Variants in KAZN observed in about 807,000 individuals in gnomAD.
The protein encoded by KAZN is kazrin.
A neutral mutation model predicts 87.4 loss-of-function variants in KAZN; 40 were observed. That is an observed-to-expected ratio of 0.46 (90% CI 0.36 to 0.60). KAZN has a LOEUF of 0.60. Among genes scored for constraint, KAZN ranks in the 20% least tolerant of loss-of-function variants. KAZN has a pLI of 0.00. For missense variants in KAZN, 898 were observed against 1,073.9 expected, an observed-to-expected ratio of 0.84 and a Z score of 2.29; for synonymous variants, 466 against 458.3, an observed-to-expected ratio of 1.02 and a Z score of -0.22.
chr1:14,433,030 A>G (rs1330212790), intron 2 of KAZN, among the ~76,000 whole-genome samples: 1 of 152,152 alleles, frequency 6.6e-6, no homozygotes, highest in African/African-American at 2.4e-5. Context: ...ACACACACAA[A>G]TTATTCAGTC....
chr1:15,011,997 C>T (rs1043828864), intron 2 of KAZN, among the ~76,000 whole-genome samples: 3 of 152,204 alleles, frequency 2.0e-5, no homozygotes, highest in African/African-American at 4.8e-5. Context: ...GTACACCCCC[C>T]AGCCTCAGGC....
chr1:15,092,467 T>A (rs1210415992), intron 8 of KAZN, among the ~76,000 whole-genome samples: 1 of 151,900 alleles, frequency 6.6e-6, no homozygotes, highest in Non-Finnish European at 1.5e-5. Flanking sequence ...TTTGTTTTGT[T>A]TTGTTTTGTT....
intron 1 of KAZN, among the ~76,000 whole-genome samples, chr1:14,696,520 G>C (rs1246832621): frequency 6.6e-6 from 1 of 152,194 alleles, no homozygotes; most frequent in Non-Finnish European, 1.5e-5. Flanking sequence ...AAGAAGCCAG[G>C]AAAGGAGTCA....
At chr1:14,642,908 A>T (rs1367393707) in intron 1 of KAZN, among the ~76,000 whole-genome samples, 1 of 152,250 alleles carries the variant, frequency 6.6e-6, no homozygotes, top group Non-Finnish European at 1.5e-5. Flanking sequence ...GAGCTACTGG[A>T]TCTTTTATAG....
intron 2 of KAZN, among the ~76,000 whole-genome samples, chr1:14,182,814 A>G (rs1396001747): frequency 3.3e-5 from 5 of 152,160 alleles, no homozygotes; most frequent in African/African-American, 1.2e-4. Context: ...TTCATACACT[A>G]AGTTCATCAA....
chr1:14,819,944 A>G (rs1245041270), intron 1 of KAZN, among the ~76,000 whole-genome samples: 1 of 152,052 alleles, frequency 6.6e-6, no homozygotes, highest in Non-Finnish European at 1.5e-5. Context: ...TCCTGACTTC[A>G]GTTGATCCAC....
chr1:14,879,053 C>T (rs1390152374), intron 1 of KAZN, among the ~76,000 whole-genome samples: 2 of 152,154 alleles, frequency 1.3e-5, no homozygotes, highest in East Asian at 3.9e-4. Flanking sequence ...CCTTTAAATC[C>T]CTGCTCGTAT....
At chr1:13,995,219 C>CAAA (rs113600200) in intron 1 of KAZN, among the ~76,000 whole-genome samples, 45 of 107,384 alleles carry the variant, frequency 4.2e-4, no homozygotes, top group African/African-American at 1.3e-3. Flanking sequence ...TGCAATAAGG[C>CAAA]AAAAAAAAAA....
In KAZN at chr1:13,907,470, A is replaced by G. The variant is rs556100539; in HGVS notation, c.91+13714A>G. Among the ~76,000 whole-genome samples, 5 of 140,374 alleles carry G rather than the reference A, an allele frequency of 3.6e-5. No individual in the cohort carries two copies. In the South Asian group the frequency reaches 1.2e-3, roughly 34 times the overall value. The allele number at this position is 140,374 out of a possible 152,430, so 92.1% of individuals were successfully genotyped here. A position where few individuals can be genotyped will look rare whatever the true frequency, so the allele number is the denominator to read the frequency against. On this transcript the variant is annotated intron_variant, in intron 1 of 16. Coordinates refer to the KAZN transcript ENST00000636203. ...AGAATGAGTGACAGGATTTAAGGCAAGGCCTTTGAGGGGTGTGTATGAGGC... is the reference window on the plus strand; with the variant it reads ...AGAATGAGTGACAGGATTTAAGGCAGGGCCTTTGAGGGGTGTGTATGAGGC...
chr1:14,889,345 T>C (rs1183792620), intron 1 of KAZN, among the ~76,000 whole-genome samples: 1 of 152,202 alleles, frequency 6.6e-6, no homozygotes, highest in South Asian at 2.1e-4. Context: ...CTAGGAATTA[T>C]AAATATATAC....
At chr1:13,991,985 A>G (rs1322561426) in intron 1 of KAZN, among the ~76,000 whole-genome samples, 1 of 151,772 alleles carries the variant, frequency 6.6e-6, no homozygotes, top group Non-Finnish European at 1.5e-5. Context: ...ACTCTCTACT[A>G]CCCCACCACC....
At chr1:14,442,675 G>A (rs1666768140) in intron 2 of KAZN, among the ~76,000 whole-genome samples, 1 of 152,164 alleles carries the variant, frequency 6.6e-6, no homozygotes, top group Admixed American at 6.5e-5. Flanking sequence ...TTTATTTTGT[G>A]CCTAAGAGGA....
chr1:14,594,770 C>T (rs76457713), upstream of KAZN, among the ~76,000 whole-genome samples: 4 of 152,276 alleles, frequency 2.6e-5, no homozygotes, highest in Admixed American at 6.5e-5. Flanking sequence ...CCCAGGACAC[C>T]GGCGGTAAAC....
chr1:14,852,512 G>A (rs1649582955), intron 1 of KAZN, among the ~76,000 whole-genome samples: 1 of 152,172 alleles, frequency 6.6e-6, no homozygotes, highest in African/African-American at 2.4e-5. Context: ...CCACCTGCAG[G>A]CCCTGCCCCC....
chr1:14,780,954 T>A (rs1232527189), intron 1 of KAZN, among the ~76,000 whole-genome samples: 7 of 152,230 alleles, frequency 4.6e-5, no homozygotes, highest in Non-Finnish European at 1.0e-4. Flanking sequence ...CACTTGCAGC[T>A]GGAGTTACAG....
chr1:14,048,059 C>T (rs1438048416), intron 1 of KAZN, among the ~76,000 whole-genome samples: 4 of 152,182 alleles, frequency 2.6e-5, no homozygotes, highest in Admixed American at 6.5e-5. Flanking sequence ...AACTCTTCCA[C>T]TCTCCAGCTG....
chr1:14,222,114 A>G (rs1258807527), intron 2 of KAZN: 2 of 152,212 alleles, frequency 1.3e-5, no homozygotes, highest in Non-Finnish European at 2.9e-5. Context: ...TCTCCTGAAT[A>G]GAGAAATAGG....
At chr1:14,960,500 G>C (rs906079303) in intron 1 of KAZN, among the ~76,000 whole-genome samples, 184 bp from the exon 2 acceptor site, 4 of 152,164 alleles carry the variant, frequency 2.6e-5, no homozygotes, top group African/African-American at 9.7e-5. Flanking sequence ...GCAGACTGTG[G>C]GTGGGGCCTA....
intron 1 of KAZN, among the ~76,000 whole-genome samples, chr1:14,946,333 T>A (rs928046136): frequency 2.8e-5 from 4 of 141,184 alleles, no homozygotes; most frequent in Middle Eastern, 3.3e-3. Flanking sequence ...TTTTTTTTTT[T>A]AATTCTCTCT....
Sources: gnomAD v4.1 joint callset for allele counts (sites outside exome capture counted in the v4.1 genomes callset) on GRCh38, gnomAD v4.1.1 for gene constraint, MANE v1.5 for transcripts, NCBI Gene and HGNC (gene_info 2026-07-23, HGNC 2026-07-21) for gene names.